Variants in LRBA observed in about 807,000 individuals in gnomAD.
LRBA encodes the protein lipopolysaccharide-responsive and beige-like anchor protein.
LRBA carries 176 observed loss-of-function variants against 330.0 expected under a neutral mutation model. That is an observed-to-expected ratio of 0.53 (90% CI 0.47 to 0.60). The LOEUF is 0.60. Among genes scored for constraint, LRBA ranks in the 20% least tolerant of loss-of-function variants. LRBA has a pLI of 0.00. For missense variants in LRBA, 3,259 were observed against 3,444.8 expected, an observed-to-expected ratio of 0.95 and a Z score of 1.35; for synonymous variants, 1,230 against 1,193.0, an observed-to-expected ratio of 1.03 and a Z score of -0.64.
intron 40 of LRBA, among the ~76,000 whole-genome samples, chr4:150,518,434 G>C (rs2152155821): frequency 6.6e-6 from 1 of 152,268 alleles, no homozygotes; most frequent in East Asian, 1.9e-4. Flanking sequence ...TAAAACTATG[G>C]AAAGCAAAAC....
intron 37 of LRBA, among the ~76,000 whole-genome samples, chr4:150,612,793 C>A (rs185724386): frequency 3.5e-3 from 534 of 151,994 alleles, no homozygotes; most frequent in African/African-American, 0.012. Flanking sequence ...ATAAAATAAG[C>A]AAACAAAAAA....
At chr4:150,753,760 A>G (rs1733877694) in intron 35 of LRBA, among the ~76,000 whole-genome samples, 1 of 152,138 alleles carries the variant, frequency 6.6e-6, no homozygotes, top group African/African-American at 2.4e-5. Context: ...ATAAATCAGA[A>G]CAAAGCAAGC....
intron 37 of LRBA, among the ~76,000 whole-genome samples, chr4:150,678,109 C>T (rs1390606720): frequency 6.6e-6 from 1 of 151,866 alleles, no homozygotes; most frequent in Non-Finnish European, 1.5e-5. Flanking sequence ...TAGCATGGGG[C>T]ACACACCTGT....
chr4:150,430,518 G>T (rs1028471954), intron 46 of LRBA, among the ~76,000 whole-genome samples: 4 of 152,058 alleles, frequency 2.6e-5, no homozygotes, highest in Non-Finnish European at 5.9e-5. Context: ...CTAAATTGCT[G>T]GGACTTGTTT....
At chr4:150,843,123 C>G (rs1369605660) in intron 28 of LRBA, among the ~76,000 whole-genome samples, 1 of 152,152 alleles carries the variant, frequency 6.6e-6, no homozygotes, top group East Asian at 1.9e-4. Flanking sequence ...TCCTGCTGTG[C>G]AGCCTAAGTG....
At chr4:150,534,690 G>A (rs1764453022) in intron 40 of LRBA, among the ~76,000 whole-genome samples, 1 of 152,098 alleles carries the variant, frequency 6.6e-6, no homozygotes, top group South Asian at 2.1e-4. Context: ...TCCTTTTAAG[G>A]AGACAGGAAG....
chr4:150,678,047 C>T (rs1430671240), intron 37 of LRBA, among the ~76,000 whole-genome samples: 1 of 151,880 alleles, frequency 6.6e-6, no homozygotes, highest in African/African-American at 2.4e-5. Context: ...CGAGACCAGC[C>T]TGGCCAACAT....
chr4:150,372,879 C>T (rs974424286), intron 47 of LRBA, among the ~76,000 whole-genome samples: 1 of 151,040 alleles, frequency 6.6e-6, no homozygotes, highest in Non-Finnish European at 1.5e-5. Context: ...GCAGAGGTGA[C>T]AGTGGGAGTT....
At chr4:150,887,987 A>T (rs1040260122) in intron 17 of LRBA, among the ~76,000 whole-genome samples, 3 of 152,012 alleles carry the variant, frequency 2.0e-5, no homozygotes, top group Admixed American at 2.0e-4. Flanking sequence ...AATTCTAAAA[A>T]ACAAAAACCT....
rs973737286 is a variant in LRBA at position 150,960,651 on chromosome 4, T to C, written c.217-31586A>G. 5.4e-5 allele frequency among the ~76,000 whole-genome samples: 8 copies of C among 149,308 alleles called. No homozygotes were observed. In the South Asian group the frequency reaches 1.7e-3, roughly 31 times the overall value. ...GTAATTAGAGGGATTCTAAGATGAC[T>C]GGCAAAATTCTATTTCTTGACCTAC... On this transcript the variant is annotated intron_variant, in intron 2 of 56. Coordinates refer to ENST00000651943, the MANE Select transcript of LRBA (RefSeq NM_001364905.1).
intron 40 of LRBA, among the ~76,000 whole-genome samples, chr4:150,571,275 G>C (rs1769807249): frequency 6.6e-6 from 1 of 151,728 alleles, no homozygotes; most frequent in Non-Finnish European, 1.5e-5. Flanking sequence ...TAATGATATA[G>C]AGATTGCAAG....
intron 33 of LRBA, among the ~76,000 whole-genome samples, chr4:150,804,288 A>G (rs888234957): frequency 1.6e-4 from 24 of 152,178 alleles, no homozygotes; most frequent in African/African-American, 4.6e-4. Flanking sequence ...TCTTTTTCAA[A>G]TAAACTCATT....
intron 34 of LRBA, among the ~76,000 whole-genome samples, chr4:150,776,067 G>A (rs1737291704): frequency 6.6e-6 from 1 of 152,218 alleles, no homozygotes; most frequent in Admixed American, 6.5e-5. Flanking sequence ...TTAGAAAGAA[G>A]CAGGAGAGTG....
chr4:150,968,126 G>A (rs557592502), intron 2 of LRBA, among the ~76,000 whole-genome samples: 9 of 150,608 alleles, frequency 6.0e-5, no homozygotes, highest in Middle Eastern at 3.4e-3. Flanking sequence ...TGCCTCAGCC[G>A]CCCGAGTAGC....
At chr4:150,536,574 G>A (rs1439696244) in intron 40 of LRBA, among the ~76,000 whole-genome samples, 1 of 152,086 alleles carries the variant, frequency 6.6e-6, no homozygotes, top group Non-Finnish European at 1.5e-5. Flanking sequence ...TTAGTGTGTT[G>A]TACAATTATG....
chr4:150,902,291 T>G (rs17027193), intron 13 of LRBA, among the ~76,000 whole-genome samples: 5 of 152,142 alleles, frequency 3.3e-5, no homozygotes, highest in Non-Finnish European at 7.3e-5. Context: ...AAAATGATGG[T>G]TGAAATAAAG....
In LRBA at chr4:150,835,763, T is replaced by G. The variant is rs1239142194; in HGVS notation, c.4570-3787A>C. On this transcript the variant is annotated intron_variant, in intron 28 of 56. Coordinates refer to ENST00000651943, the MANE Select transcript of LRBA (RefSeq NM_001364905.1). ...CATCTGCAAACAGGGACAATTTGAC[T>G]TCCTCTTTTCCTAATTGAATACCCT... Among the ~76,000 whole-genome samples the G allele has an allele frequency of 7.9e-5, 12 of 152,162 alleles. No individual in the cohort carries two copies. The East Asian group carries it at 1.9e-3, about 24-fold the overall frequency.
rs1473655503 is a variant in LRBA at position 150,806,317 on chromosome 4, C to A, written c.5472G>T (p.Arg1824=). Residue 1824 remains arginine, a synonymous_variant, in exon 33 of 57, where the codon CGG becomes CGT. Transcript: ENST00000651943. ...IFVDFAPFLS[R]TLLGSHGQEL... ...CTTGTCCATGGCTACCCAAAAGTGT[C>A]CGAGAAAGAAAAGGTGCAAAATCCA... is the stretch of plus-strand genomic sequence containing the variant. The A allele has an allele frequency of 1.2e-6, 2 of 1,608,372 alleles. No homozygotes were observed. Among genetic ancestry groups the A allele is most frequent in the Middle Eastern group, 1.7e-4 (1 of 6,044 alleles).
intron 31 of LRBA, among the ~76,000 whole-genome samples, chr4:150,813,373 C>T: frequency 6.6e-6 from 1 of 151,900 alleles, no homozygotes; most frequent in Non-Finnish European, 1.5e-5. Flanking sequence ...TTAGAAGATA[C>T]AATTGTTGCT....
Sources: gnomAD v4.1 joint callset for allele counts (sites outside exome capture counted in the v4.1 genomes callset) on GRCh38, gnomAD v4.1.1 for gene constraint, MANE v1.5 for transcripts, NCBI Gene and HGNC (gene_info 2026-07-23, HGNC 2026-07-21) for gene names.